The following CNR2 variants were observed in gnomAD, a reference collection of about 807,000 sequenced individuals.
CNR2 encodes cannabinoid receptor 2.
For synonymous variants in CNR2, 172 were observed against 182.2 expected (o/e 0.94, Z 0.45); for missense variants, 379 against 439.9 (o/e 0.86, Z 1.24).
At chr1:23,894,934 A>C (rs1330011673) in intron 1 of CNR2, among the ~76,000 whole-genome samples, 1 of 152,064 alleles carries the variant, frequency 6.6e-6, no homozygotes, top group Non-Finnish European at 1.5e-5. Context: ...GAAATCTGCA[A>C]CACTGCCGGG....
At chr1:23,901,890 G>C (rs1204009613) in intron 1 of CNR2, 2 of 1,607,698 alleles carry the variant, frequency 1.2e-6, no homozygotes, top group Non-Finnish European at 8.5e-7. Flanking sequence ...TGGTTGCTGC[G>C]GTAGGCAGAA....
At position 23,907,339 on chromosome 1, in the gene CNR2, C is replaced by T. The variant is rs970159582; in HGVS notation, c.-46+5907G>A. Among the ~76,000 whole-genome samples the T allele has an allele frequency of 2.1e-5, 3 of 143,666 alleles. No individual in the cohort carries two copies. The Admixed American group carries it at 2.1e-4, about 10-fold the overall frequency. 94.3% of individuals were successfully genotyped at this position (143,666 alleles called of 152,430 possible). On this transcript the variant is annotated intron_variant, in intron 1 of 1. Transcript: ENST00000374472. Reference sequence around the variant, plus strand: ...TGAACCTGGGAGGTGGAGGTTGGGACGTGGAGGTTGCAGTGAGCCGAGATC... The same window carrying T: ...TGAACCTGGGAGGTGGAGGTTGGGATGTGGAGGTTGCAGTGAGCCGAGATC...
chr1:23,909,831 GA>G (rs1248066004), intron 1 of CNR2, among the ~76,000 whole-genome samples: 2 of 152,080 alleles, frequency 1.3e-5, no homozygotes, highest in Admixed American at 1.3e-4. Flanking sequence ...TCCATACCTA[GA>G]GGCATTTCCA....
chr1:23,891,671 G>T (rs1640194970), intron 1 of CNR2, among the ~76,000 whole-genome samples: 2 of 146,878 alleles, frequency 1.4e-5, no homozygotes. Flanking sequence ...TAACTACTTT[G>T]ATAGCAAAAC....
rs148163618 is a variant in CNR2 at position 23,892,895 on chromosome 1, A to T, written c.-45-17233T>A. ...GCCAGGAGTAGTGGTGGGTGCCTGT[A>T]ATCCCAGCTACTTGGGAGGCTGAGG... On this transcript the variant is annotated intron_variant, in intron 1 of 1. Coordinates refer to ENST00000374472, the MANE Select transcript of CNR2 (RefSeq NM_001841.3). Among the ~76,000 whole-genome samples, 1,114 of 152,098 alleles carry T rather than the reference A, an allele frequency of 7.3e-3. 16 individuals carry two copies. Among genetic ancestry groups the T allele is most frequent in the African/African-American group, 0.025 (1,045 of 41,516 alleles).
rs551381269 is a variant in CNR2, at chr1:23,885,502, A to T, written c.-45-9840T>A. On this transcript the variant is annotated intron_variant, in intron 1 of 1. Transcript: ENST00000374472. ...ATTACTATCATACATGGAAGTGTTCATTGTTGCCACTGTTGTGATTATTAT... is the reference window on the plus strand; with the variant it reads ...ATTACTATCATACATGGAAGTGTTCTTTGTTGCCACTGTTGTGATTATTAT... Among the ~76,000 whole-genome samples, 192 of 152,232 alleles carry T rather than the reference A, an allele frequency of 1.3e-3. 1 individual carries two copies. Among genetic ancestry groups the T allele is most frequent in the African/African-American group, 4.6e-3 (190 of 41,540 alleles).
At chr1:23,900,735 A>T (rs774827200) in intron 1 of CNR2, among the ~76,000 whole-genome samples, 4 of 151,430 alleles carry the variant, frequency 2.6e-5, no homozygotes, top group Admixed American at 6.6e-5. Context: ...TGAACTCCCA[A>T]CCTCAGGTGA....
intron 1 of CNR2, among the ~76,000 whole-genome samples, chr1:23,894,941 C>T (rs1381084844): frequency 1.3e-5 from 2 of 151,998 alleles, no homozygotes; most frequent in Non-Finnish European, 2.9e-5. Context: ...GCAACACTGC[C>T]GGGCATGGTG....
At chr1:23,902,742 C>T in intron 1 of CNR2, 1 of 1,543,076 alleles carries the variant, frequency 6.5e-7, no homozygotes, top group Non-Finnish European at 8.7e-7. Context: ...CGTGGGGGAC[C>T]GCGCCATTTG....
At chr1:23,896,935 G>T (rs1338172621) in intron 1 of CNR2, among the ~76,000 whole-genome samples, 2 of 150,764 alleles carry the variant, frequency 1.3e-5, no homozygotes, top group African/African-American at 4.9e-5. Flanking sequence ...CTGGAGGCTG[G>T]AATACAGTGG....
At chr1:23,890,193 C>T (rs78429929) in intron 1 of CNR2, among the ~76,000 whole-genome samples, 1,665 of 143,160 alleles carry the variant, frequency 0.012, 38 homozygotes, top group African/African-American at 0.041. Flanking sequence ...CAGGAAGTCA[C>T]GGCTGCAGTA....
chr1:23,897,820 T>C (rs991848918), intron 1 of CNR2, among the ~76,000 whole-genome samples: 2 of 152,120 alleles, frequency 1.3e-5, no homozygotes, highest in Non-Finnish European at 2.9e-5. Context: ...AATTGTCTGG[T>C]TTATGAGAAG....
chr1:23,880,375 C>T (rs1242766475), intron 1 of CNR2, among the ~76,000 whole-genome samples: 4 of 151,798 alleles, frequency 2.6e-5, no homozygotes, highest in African/African-American at 7.3e-5. Context: ...GACGGGGTTT[C>T]ACCGTGTTAG....
chr1:23,909,107 G>A (rs1640544494), intron 1 of CNR2, among the ~76,000 whole-genome samples: 1 of 151,992 alleles, frequency 6.6e-6, no homozygotes, highest in South Asian at 2.1e-4. Context: ...CATCCTCCCC[G>A]ACTGGATGGG....
chr1:23,905,404 T>C (rs1425544222), intron 1 of CNR2, among the ~76,000 whole-genome samples: 1 of 151,694 alleles, frequency 6.6e-6, no homozygotes, highest in Non-Finnish European at 1.5e-5. Flanking sequence ...TGTCTCAAAC[T>C]CCTGACCTCA....
At position 23,877,210 on chromosome 1, in the gene CNR2, T is replaced by C. The variant is rs548591214; in HGVS notation, c.-45-1548A>G. Among the ~76,000 whole-genome samples the C allele has an allele frequency of 2.0e-5, 3 of 152,278 alleles. No homozygotes were observed. The East Asian group carries it at 5.8e-4, about 29-fold the overall frequency. On this transcript the variant is annotated intron_variant, in intron 1 of 1. Transcript: ENST00000374472. The stretch of plus-strand genomic sequence containing the variant: ...AAAAACATGAGTACAGAATGAGAGA[T>C]TGTTTCTGGGTAGATCTGAAAAAGA...
chr1:23,884,684 C>T (rs1640056699), intron 1 of CNR2, among the ~76,000 whole-genome samples: 1 of 151,728 alleles, frequency 6.6e-6, no homozygotes, highest in Non-Finnish European at 1.5e-5. Context: ...AAAAGGTCGG[C>T]AATGTTAAAG....
chr1:23,902,291 G>C, intron 1 of CNR2: 3 of 1,494,380 alleles, frequency 2.0e-6, no homozygotes, highest in African/African-American at 1.4e-5. Context: ...GGGCCATCTC[G>C]GCCTGTGCGT....
chr1:23,901,748 A>C (rs1640403155), intron 1 of CNR2: 8 of 1,427,814 alleles, frequency 5.6e-6, no homozygotes, highest in Admixed American at 5.0e-5. Context: ...AACTACCCCA[A>C]GCCTCTTGAG....
Sources: gnomAD v4.1 joint callset for allele counts (sites outside exome capture counted in the v4.1 genomes callset) on GRCh38, gnomAD v4.1.1 for gene constraint, MANE v1.5 for transcripts, NCBI Gene and HGNC (gene_info 2026-07-23, HGNC 2026-07-21) for gene names.